The following RPH3A variants were observed in gnomAD, a reference collection of about 807,000 sequenced individuals.
RPH3A encodes rabphilin-3A.
In RPH3A, 48 loss-of-function variants were observed where a neutral mutation model predicts 102.2. That is an observed-to-expected ratio of 0.47 (90% CI 0.37 to 0.60). RPH3A has a LOEUF of 0.60. RPH3A is among the 20% of genes least tolerant of loss of function. The pLI is 0.00. For synonymous variants in RPH3A, 310 were observed against 324.3 expected, an observed-to-expected ratio of 0.96 and a Z score of 0.47; for missense variants, 781 against 910.1, an observed-to-expected ratio of 0.86 and a Z score of 1.83.
chr12:112,685,558 T>A (rs566217139), intron 1 of RPH3A, among the ~76,000 whole-genome samples: 15 of 152,008 alleles, frequency 9.9e-5, no homozygotes, highest in Non-Finnish European at 1.8e-4. Context: ...ATTCAAGGAG[T>A]CACTACCTGG....
chr12:112,773,216 C>T (rs576450652), intron 1 of RPH3A, among the ~76,000 whole-genome samples: 1 of 152,054 alleles, frequency 6.6e-6, no homozygotes, highest in East Asian at 1.9e-4. Flanking sequence ...CATGATTTTG[C>T]TATTGTGAAT....
chr12:112,859,283 G>T (rs1329039187), intron 5 of RPH3A, among the ~76,000 whole-genome samples: 1 of 152,162 alleles, frequency 6.6e-6, no homozygotes, highest in African/African-American at 2.4e-5. Context: ...TATTAGAAGA[G>T]GTTTTTTCAA....
At position 112,661,010 on chromosome 12, in the gene RPH3A, G is replaced by A. The variant is rs78716987; in HGVS notation, c.-140+85691G>A. Among the ~76,000 whole-genome samples the A allele has an allele frequency of 6.4e-3, 981 of 152,160 alleles. 17 individuals are homozygous for A. The highest frequency in any genetic ancestry group is 0.023 in the African/African-American group (954 of 41,516). On this transcript the variant is annotated intron_variant, in intron 1 of 21. Transcript: ENST00000543106. The stretch of plus-strand genomic sequence containing the variant: ...AAGGAGTCTGCCTTCATTCCATCAC[G>A]GGCTCACTTCTGGCCTCATAGAGGC...
chr12:112,737,160 A>AT (rs1475846241), intron 1 of RPH3A, among the ~76,000 whole-genome samples: 13 of 151,446 alleles, frequency 8.6e-5, no homozygotes, highest in Non-Finnish European at 1.6e-4. Flanking sequence ...GTCTCAAAAA[A>AT]AAAAAAAACA....
At chr12:112,873,556 T>G (rs2042742237) in intron 10 of RPH3A, among the ~76,000 whole-genome samples, 1 of 152,226 alleles carries the variant, frequency 6.6e-6, no homozygotes, top group Admixed American at 6.5e-5. Context: ...ACTCTCTGTC[T>G]CCCTACCTCT....
intron 1 of RPH3A, among the ~76,000 whole-genome samples, chr12:112,771,227 T>G (rs2040925716): frequency 6.6e-6 from 1 of 152,244 alleles, no homozygotes; most frequent in African/African-American, 2.4e-5. Flanking sequence ...TTTTAAATTT[T>G]TTAATTATGG....
At chr12:112,604,184 A>G (rs1380312629) in intron 1 of RPH3A, among the ~76,000 whole-genome samples, 3 of 152,196 alleles carry the variant, frequency 2.0e-5, no homozygotes, top group Non-Finnish European at 4.4e-5. Flanking sequence ...TGAAGCCTAG[A>G]TCTGTCTGAA....
At chr12:112,726,172 T>C (rs896979031) in intron 1 of RPH3A, among the ~76,000 whole-genome samples, 4 of 151,916 alleles carry the variant, frequency 2.6e-5, no homozygotes, top group Admixed American at 6.6e-5. Context: ...TGAAATGCAG[T>C]GGCACAGTCT....
intron 6 of RPH3A, 46 bp from the exon 7 acceptor site, chr12:112,866,711 C>T: frequency 6.6e-7 from 1 of 1,514,166 alleles, no homozygotes; most frequent in Non-Finnish European, 9.1e-7. Context: ...CCATGCCTCC[C>T]ATGAGCATGG....
intron 1 of RPH3A, among the ~76,000 whole-genome samples, chr12:112,744,750 G>A (rs185598203): frequency 6.6e-6 from 1 of 152,258 alleles, no homozygotes; most frequent in Non-Finnish European, 1.5e-5. Flanking sequence ...GGGAGACAGG[G>A]CTGGGATTTG....
At chr12:112,848,329 G>C (rs2136190684) in intron 5 of RPH3A, among the ~76,000 whole-genome samples, 1 of 152,292 alleles carries the variant, frequency 6.6e-6, no homozygotes, top group Middle Eastern at 3.4e-3. Context: ...GTAAAAGAGA[G>C]AGCATGTTTG....
intron 1 of RPH3A, among the ~76,000 whole-genome samples, chr12:112,668,651 C>G (rs113284005): frequency 1.3e-5 from 2 of 152,022 alleles, no homozygotes; most frequent in Non-Finnish European, 2.9e-5. Flanking sequence ...AAACACCAGG[C>G]CTGTCGGGTG....
intron 1 of RPH3A, among the ~76,000 whole-genome samples, chr12:112,576,489 T>G (rs1258428787): frequency 6.6e-6 from 1 of 151,964 alleles, no homozygotes; most frequent in Non-Finnish European, 1.5e-5. Flanking sequence ...AAAGTGCTGG[T>G]ATTACAAGCT....
chr12:112,731,636 T>A (rs1487845368), intron 1 of RPH3A, among the ~76,000 whole-genome samples: 1 of 152,238 alleles, frequency 6.6e-6, no homozygotes, highest in Non-Finnish European at 1.5e-5. Flanking sequence ...TCCTGGCCTG[T>A]GCAGTTTGTG....
At chr12:112,826,813 C>A (rs2041883981) in intron 2 of RPH3A, among the ~76,000 whole-genome samples, 1 of 152,214 alleles carries the variant, frequency 6.6e-6, no homozygotes, top group African/African-American at 2.4e-5. Context: ...TACAAATAAA[C>A]CACAATGGCT....
intron 1 of RPH3A, among the ~76,000 whole-genome samples, chr12:112,713,046 CTT>C (rs2040487413): frequency 4.1e-5 from 3 of 73,936 alleles, no homozygotes; most frequent in East Asian, 7.3e-4. Flanking sequence ...TCTTCTTCTT[CTT>C]CTCCTTCTTC....
At chr12:112,834,410 A>G (rs891639664) in intron 3 of RPH3A, among the ~76,000 whole-genome samples, 1 of 152,236 alleles carries the variant, frequency 6.6e-6, no homozygotes, top group Non-Finnish European at 1.5e-5. Context: ...GGGCTAGTAC[A>G]AATAAAACTT....
At chr12:112,767,413 G>A (rs531105886) in intron 1 of RPH3A, among the ~76,000 whole-genome samples, 4 of 152,332 alleles carry the variant, frequency 2.6e-5, no homozygotes, top group South Asian at 2.1e-4. Context: ...CGCCAGGGAA[G>A]CAAGTGGATG....
chr12:112,789,109 G>T (rs1396906394), upstream of RPH3A, among the ~76,000 whole-genome samples: 1 of 151,998 alleles, frequency 6.6e-6, no homozygotes, highest in African/African-American at 2.4e-5. Context: ...GGTTAGGCGA[G>T]ATCTCACCAC....
Sources: allele counts gnomAD v4.1 joint callset (sites outside exome capture counted in the v4.1 genomes callset), GRCh38; gene constraint gnomAD v4.1.1; transcripts MANE v1.5; gene names NCBI Gene and HGNC (gene_info 2026-07-23, HGNC 2026-07-21).